CSMD1: variants seen among roughly 807,000 people sequenced by gnomAD.
CSMD1 encodes the protein CUB and sushi domain-containing protein 1.
A neutral mutation model predicts 417.5 loss-of-function variants in CSMD1; 213 were observed. That is an observed-to-expected ratio of 0.51 (90% CI 0.46 to 0.57). The LOEUF (loss-of-function observed/expected upper bound fraction) is 0.57, where lower values mean the gene tolerates loss of function less well. CSMD1 is among the 20% of genes least tolerant of loss of function. The pLI, the probability that CSMD1 is intolerant of heterozygous loss-of-function variation, is 0.00. For synonymous variants in CSMD1, 2,862 were observed against 1,736.8 expected (o/e 1.65, Z -16.11); for missense variants, 6,923 against 4,529.7 (o/e 1.53, Z -15.17).
chr8:3,169,926 C>A (rs1051101195), intron 37 of CSMD1, among the ~76,000 whole-genome samples: 1 of 152,166 alleles, frequency 6.6e-6, no homozygotes, highest in Non-Finnish European at 1.5e-5. Context: ...ATGACCCCTT[C>A]CTCCTCTCCC....
chr8:4,431,215 T>A (rs1291321940), intron 2 of CSMD1, among the ~76,000 whole-genome samples: 3 of 152,152 alleles, frequency 2.0e-5, no homozygotes, highest in Non-Finnish European at 2.9e-5. Context: ...CTGTTTTCAT[T>A]ATCTCAACAA....
intron 28 of CSMD1, among the ~76,000 whole-genome samples, chr8:3,220,102 A>T (rs1363576506): frequency 7.0e-6 from 1 of 143,038 alleles, no homozygotes; most frequent in African/African-American, 2.6e-5. Context: ...CTATGACCAC[A>T]CCACTGCACC....
intron 7 of CSMD1, among the ~76,000 whole-genome samples, chr8:3,680,251 G>C (rs1394769351): frequency 6.6e-6 from 1 of 152,062 alleles, no homozygotes; most frequent in East Asian, 1.9e-4. Flanking sequence ...TCCAGGAGCT[G>C]GTTTTTTGAA....
intron 4 of CSMD1, among the ~76,000 whole-genome samples, chr8:4,016,282 T>G (rs1796518583): frequency 6.6e-6 from 1 of 152,026 alleles, no homozygotes; most frequent in Non-Finnish European, 1.5e-5. Context: ...CTAAAAAGAT[T>G]CCAGTAGATG....
intron 3 of CSMD1, among the ~76,000 whole-genome samples, chr8:4,104,065 A>G (rs1301813288): frequency 1.3e-5 from 2 of 152,180 alleles, no homozygotes; most frequent in African/African-American, 4.8e-5. Context: ...AAGTACTACA[A>G]TAGGTTCTCC....
At chr8:4,298,733 T>C (rs1473008700) in intron 3 of CSMD1, among the ~76,000 whole-genome samples, 2 of 152,228 alleles carry the variant, frequency 1.3e-5, no homozygotes, top group African/African-American at 2.4e-5. Flanking sequence ...TCCAACTAGA[T>C]GTTAAGAAAT....
At chr8:2,989,059 T>C (rs970848741) in intron 54 of CSMD1, among the ~76,000 whole-genome samples, 2 of 152,208 alleles carry the variant, frequency 1.3e-5, no homozygotes, top group African/African-American at 2.4e-5. Context: ...AGGAAAAGAA[T>C]GCAAAGACAA....
At position 4,764,879 on chromosome 8, in the gene CSMD1, A is replaced by AAAAAAAC. The variant is rs1812343825; in HGVS notation, c.86-127322_86-127321insGTTTTTT. Among the ~76,000 whole-genome samples the AAAAAAAC allele has an allele frequency of 6.3e-5, 3 of 47,958 alleles. No homozygotes were observed. In the South Asian group the frequency reaches 2.5e-3, roughly 40 times the overall value. 31.5% of individuals were successfully genotyped at this position (47,958 alleles called of 152,430 possible). On this transcript the variant is annotated intron_variant, in intron 1 of 69. Transcript: ENST00000635120. ...CAGAGCGAGACTCCATCTCAAAAAA[A>AAAAAAAC]AAAAAAAAAAAAAAACAACAACAAC...
intron 3 of CSMD1, among the ~76,000 whole-genome samples, chr8:4,328,884 A>C (rs191085419): frequency 3.3e-5 from 5 of 152,218 alleles, no homozygotes; most frequent in African/African-American, 1.2e-4. Flanking sequence ...AAATGTCCTC[A>C]TAACATTCAT....
At chr8:3,783,636 T>C (rs1306904398) in intron 5 of CSMD1, among the ~76,000 whole-genome samples, 2 of 152,200 alleles carry the variant, frequency 1.3e-5, no homozygotes, top group Non-Finnish European at 2.9e-5. Context: ...CTGGTTCTTC[T>C]GCATGTCCAT....
intron 10 of CSMD1, among the ~76,000 whole-genome samples, chr8:3,524,221 GCA>G (rs1300490474): frequency 3.5e-5 from 5 of 144,302 alleles, no homozygotes; most frequent in Non-Finnish European, 7.6e-5. Flanking sequence ...CAGACAATAT[GCA>G]CACACATACA....
At chr8:3,894,801 A>G (rs972830535) in intron 5 of CSMD1, among the ~76,000 whole-genome samples, 6 of 152,208 alleles carry the variant, frequency 3.9e-5, no homozygotes, top group Admixed American at 1.3e-4. Flanking sequence ...TTAAATATTT[A>G]GGTGCTCTAA....
intron 2 of CSMD1, among the ~76,000 whole-genome samples, chr8:4,554,875 G>A (rs765586924): frequency 5.9e-5 from 9 of 152,156 alleles, no homozygotes; most frequent in Non-Finnish European, 1.2e-4. Flanking sequence ...AAGGTTGCCA[G>A]GCCCAGGTGG....
At chr8:4,261,254 G>T (rs182053517) in intron 3 of CSMD1, among the ~76,000 whole-genome samples, 48 of 152,248 alleles carry the variant, frequency 3.2e-4, no homozygotes, top group Admixed American at 2.6e-3. Context: ...GACTCAAAAA[G>T]AACGCCTGTT....
intron 3 of CSMD1, among the ~76,000 whole-genome samples, chr8:4,113,109 T>C (rs1314511848): frequency 6.6e-6 from 1 of 152,154 alleles, no homozygotes; most frequent in Non-Finnish European, 1.5e-5. Context: ...ATGTGGTGTG[T>C]GTTCTTACTG....
intron 1 of CSMD1, among the ~76,000 whole-genome samples, chr8:4,888,049 G>A (rs1307857544): frequency 6.6e-6 from 1 of 151,698 alleles, no homozygotes; most frequent in Non-Finnish European, 1.5e-5. Context: ...GCCACTTCTA[G>A]GAATTTACTC....
At chr8:4,306,223 C>T (rs1281844535) in intron 3 of CSMD1, among the ~76,000 whole-genome samples, 6 of 152,156 alleles carry the variant, frequency 3.9e-5, no homozygotes, top group Non-Finnish European at 8.8e-5. Flanking sequence ...AAAAGTTCTT[C>T]CAAAATATCA....
intron 3 of CSMD1, among the ~76,000 whole-genome samples, chr8:4,056,599 T>C (rs1425415341): frequency 2.6e-5 from 4 of 151,898 alleles, no homozygotes; most frequent in Non-Finnish European, 4.4e-5. Context: ...GTAAGTTACC[T>C]ATGTATACAT....
At chr8:4,269,083 G>C (rs928530225) in intron 3 of CSMD1, among the ~76,000 whole-genome samples, 6 of 152,164 alleles carry the variant, frequency 3.9e-5, no homozygotes, top group Non-Finnish European at 7.3e-5. Flanking sequence ...TTGAGACGGA[G>C]TCTCACTTTG....
Sources: gnomAD v4.1 joint callset for allele counts (sites outside exome capture counted in the v4.1 genomes callset) on GRCh38, gnomAD v4.1.1 for gene constraint, MANE v1.5 for transcripts, NCBI Gene and HGNC (gene_info 2026-07-23, HGNC 2026-07-21) for gene names.